Variants in SMG6 observed in about 807,000 individuals in gnomAD.
SMG6 encodes the protein telomerase-binding protein EST1A.
In SMG6, 66 loss-of-function variants were observed where a neutral mutation model predicts 142.2. That is an observed-to-expected ratio of 0.46 (90% CI 0.38 to 0.57). SMG6 has a LOEUF of 0.57. Among genes scored for constraint, SMG6 ranks in the 20% least tolerant of loss-of-function variants. SMG6 has a pLI of 0.00. For missense variants in SMG6, 1,793 were observed against 1,832.0 expected (o/e 0.98, Z 0.39); for synonymous variants, 779 against 702.4 (o/e 1.11, Z -1.72).
chr17:2,188,467 G>A lies in SMG6; in HGVS notation c.2918C>T (p.Ala973Val). The part of the protein sequence containing the change: ...CRSVIQEQAA[A>V]LGLAMFSLLV... ...TAGAGAAAACATGGCCAAGCCCAGA[G>A]CTGCGGCTTGTTCCTGGATCACAGA... Residue 973 changes from alanine (A) to valine (V), a missense_variant, in exon 11 of 19, where the codon GCT (alanine) becomes GTT (valine). Ala to Val is a moderately conservative substitution (Grantham distance 64). Around this residue, in one of 3 missense-constraint regions of SMG6, gnomAD observed 1,597 missense variants for 1,584.6 expected, o/e 1.01. Coordinates refer to ENST00000263073, the MANE Select transcript of SMG6 (RefSeq NM_017575.5). 1.2e-6 allele frequency: 2 copies of A among 1,614,170 alleles called. No individual in the cohort carries two copies. The highest frequency in any genetic ancestry group is 1.3e-5 in the African/African-American group (1 of 75,040).
At position 2,087,105 on chromosome 17, in the gene SMG6, G is replaced by C. The variant is rs1296833077; in HGVS notation, c.3358-1204C>G. On this transcript the variant is annotated intron_variant, in intron 13 of 18. Coordinates refer to ENST00000263073, the MANE Select transcript of SMG6 (RefSeq NM_017575.5). ...GACTACTGATGATCATTTTACAGGT[G>C]CAGGTGTTCTCTCTCTCATGTGGAC... 4 of 1,290,358 alleles carry C rather than the reference G, an allele frequency of 3.1e-6. No homozygotes were observed. In the Admixed American group the frequency reaches 6.9e-5, roughly 22 times the overall value. The allele number at this position is 1,290,358 out of a possible 1,614,324, so 79.9% of individuals were successfully genotyped here. A position where few individuals can be genotyped will look rare whatever the true frequency, so the allele number is the denominator to read the frequency against.
At chr17:2,296,814 T>C (rs1337614141) in intron 4 of SMG6, among the ~76,000 whole-genome samples, 1 of 151,782 alleles carries the variant, frequency 6.6e-6, no homozygotes, top group East Asian at 1.9e-4. Flanking sequence ...GGCAACATGA[T>C]GAAACCCCCG....
intron 10 of SMG6, among the ~76,000 whole-genome samples, chr17:2,203,874 A>G (rs1174107351): frequency 6.6e-6 from 1 of 152,202 alleles, no homozygotes; most frequent in Admixed American, 6.5e-5. Context: ...GATTCAGAGA[A>G]ACTCCATTGA....
chr17:2,187,795 G>A (rs952372796), intron 11 of SMG6, among the ~76,000 whole-genome samples: 6 of 151,820 alleles, frequency 4.0e-5, no homozygotes, highest in African/African-American at 9.7e-5. Context: ...AAGCTGGTGC[G>A]GCATGGGGTG....
At chr17:2,230,427 C>T (rs2073456952) in intron 10 of SMG6, among the ~76,000 whole-genome samples, 1 of 151,278 alleles carries the variant, frequency 6.6e-6, no homozygotes, top group Non-Finnish European at 1.5e-5. Flanking sequence ...TCTCACTCCA[C>T]ACCAAAGCAG....
chr17:2,065,372 C>G (rs972614117), intron 17 of SMG6, 96 bp downstream of exon 17: 163 of 1,289,976 alleles, frequency 1.3e-4, no homozygotes, highest in Non-Finnish European at 1.7e-4. Context: ...TGGCCCTCAG[C>G]TGCCCAGGCT....
At chr17:2,234,321 T>C (rs1567705296) in intron 10 of SMG6, among the ~76,000 whole-genome samples, 1 of 151,862 alleles carries the variant, frequency 6.6e-6, no homozygotes, top group Non-Finnish European at 1.5e-5. Context: ...GCAGTATAGT[T>C]TGCAATCTCG....
chr17:2,257,392 C>T (rs978341811), intron 8 of SMG6, among the ~76,000 whole-genome samples: 4 of 152,076 alleles, frequency 2.6e-5, no homozygotes, highest in Non-Finnish European at 5.9e-5. Flanking sequence ...GAATCCTGTG[C>T]CTCAGCCTCC....
At chr17:2,203,234 G>A (rs1223457906) in intron 10 of SMG6, among the ~76,000 whole-genome samples, 1 of 152,160 alleles carries the variant, frequency 6.6e-6, no homozygotes, top group Non-Finnish European at 1.5e-5. Context: ...TTGTGTCTCT[G>A]GATTGATATT....
intron 16 of SMG6, chr17:2,066,017 C>T (rs1567567451): frequency 1.2e-5 from 4 of 339,566 alleles, no homozygotes; most frequent in African/African-American, 6.3e-5. Context: ...AAGGGTCCCT[C>T]AGGAGAGTCC....
intron 1 of SMG6, chr17:2,303,209 C>A (rs1299716417): frequency 1.0e-6 from 1 of 985,322 alleles, no homozygotes; most frequent in Non-Finnish European, 1.2e-6. Flanking sequence ...ACCTTTCTCC[C>A]CAATTCCTTC....
intron 13 of SMG6, among the ~76,000 whole-genome samples, chr17:2,142,712 C>T (rs534369207): frequency 1.4e-4 from 21 of 151,420 alleles, no homozygotes; most frequent in African/African-American, 4.6e-4. Flanking sequence ...GGAGAAACCC[C>T]GTCTCTACTA....
At chr17:2,160,763 C>A (rs539874606) in intron 13 of SMG6, among the ~76,000 whole-genome samples, 3 of 152,168 alleles carry the variant, frequency 2.0e-5, no homozygotes, top group African/African-American at 7.2e-5. Context: ...CCTGGGAAGT[C>A]AAGGCTGCAG....
At chr17:2,182,990 G>A (rs547699373) in intron 12 of SMG6, among the ~76,000 whole-genome samples, 1 of 152,230 alleles carries the variant, frequency 6.6e-6, no homozygotes, top group African/African-American at 2.4e-5. Context: ...GTGGGAGGCC[G>A]AGGCAGGCAG....
rs201179202 is a variant in SMG6 at position 2,299,515 on chromosome 17, G to A, written c.1238C>T (p.Ala413Val). The A allele has an allele frequency of 1.9e-6, 3 of 1,614,158 alleles. No homozygotes were observed. The highest frequency in any genetic ancestry group is 2.5e-6 in the Non-Finnish European group (3 of 1,180,038). Residue 413 changes from alanine to valine, a missense_variant, in exon 2 of 19, where the codon GCC becomes GTC. Physicochemically the swap from Ala to Val is moderately conservative, Grantham distance 64. This residue lies in a region of SMG6 where 1,597 missense variants were observed against 1,584.6 expected (regional missense o/e 1.01). Transcript: ENST00000263073. This position sits in a 1 kb window ranked among gnomAD's most constrained non-coding sequence, Gnocchi z 4.3. ...GRGRGILILP[A>V]HTTLSVNSAG... ...TGAATTGACAGATAGGGTGGTATGG[G>A]CAGGCAAAATCAGAATGCCACGACC... is the stretch of plus-strand genomic sequence containing the variant.
chr17:2,198,969 A>G (rs1027256749), intron 10 of SMG6, among the ~76,000 whole-genome samples: 7 of 150,778 alleles, frequency 4.6e-5, no homozygotes, highest in Non-Finnish European at 8.9e-5. Flanking sequence ...AAAAAAAAAA[A>G]AAAAAGAAAA....
intron 13 of SMG6, among the ~76,000 whole-genome samples, chr17:2,108,224 C>G (rs2069206876): frequency 6.6e-6 from 1 of 152,212 alleles, no homozygotes; most frequent in African/African-American, 2.4e-5. Context: ...ACATGGGAAT[C>G]TGATGTGTGA....
intron 9 of SMG6, among the ~76,000 whole-genome samples, chr17:2,237,952 T>A (rs1567708789): frequency 6.6e-6 from 1 of 152,130 alleles, no homozygotes; most frequent in Non-Finnish European, 1.5e-5. Context: ...ACTTGTGGGG[T>A]TGGGGAAACA....
At chr17:2,183,732 TA>T (rs1321992733) in intron 12 of SMG6, among the ~76,000 whole-genome samples, 3 of 147,858 alleles carry the variant, frequency 2.0e-5, no homozygotes, top group Non-Finnish European at 3.0e-5. Flanking sequence ...TGATCCCTGA[TA>T]CAGGTGCGTG....
Sources: gnomAD v4.1 joint callset for allele counts (sites outside exome capture counted in the v4.1 genomes callset) on GRCh38, gnomAD v4.1.1 for gene constraint, gnomAD v4.1.1 regional missense constraint, Gnocchi (gnomAD v3.1) non-coding constraint, MANE v1.5 for transcripts, NCBI Gene and HGNC (gene_info 2026-07-23, HGNC 2026-07-21) for gene names.